Variants in CCSER1 observed in about 807,000 individuals in gnomAD.
CCSER1 encodes the protein coiled-coil serine rich protein 1, also known as serine-rich coiled-coil domain-containing protein 1.
A neutral mutation model predicts 82.0 loss-of-function variants in CCSER1; 41 were observed. The ratio of observed to expected loss-of-function variants is 0.50; its 90% CI spans 0.39 to 0.65. The LOEUF (loss-of-function observed/expected upper bound fraction) is 0.65. Ranked by LOEUF, CCSER1 falls within the 30% of genes least tolerant of loss-of-function variation. The pLI is 0.00. For synonymous variants in CCSER1, 414 were observed against 383.9 expected (o/e 1.08, Z -0.92); for missense variants, 1,119 against 1,064.2 (o/e 1.05, Z -0.72).
chr4:91,025,015 G>A (rs1450130914), intron 9 of CCSER1, among the ~76,000 whole-genome samples: 2 of 152,090 alleles, frequency 1.3e-5, no homozygotes, highest in Non-Finnish European at 2.9e-5. Flanking sequence ...TGTTTACAAA[G>A]GAGTCTGTCC....
intron 10 of CCSER1, among the ~76,000 whole-genome samples, chr4:91,312,081 G>A (rs1745521188): frequency 6.6e-6 from 1 of 151,714 alleles, no homozygotes; most frequent in Admixed American, 6.6e-5. Context: ...AAGGAGCTCT[G>A]GCTTTAAGTA....
At chr4:91,159,151 C>A (rs974792322) in intron 10 of CCSER1, among the ~76,000 whole-genome samples, 1 of 151,784 alleles carries the variant, frequency 6.6e-6, no homozygotes, top group Non-Finnish European at 1.5e-5. Context: ...TTAATTTTGT[C>A]TTTTTCCCCA....
intron 4 of CCSER1, among the ~76,000 whole-genome samples, chr4:90,420,554 A>G (rs1217877681): frequency 6.6e-6 from 1 of 151,098 alleles, no homozygotes; most frequent in Non-Finnish European, 1.5e-5. Context: ...TTCCTGATTT[A>G]AAAGTGCTTC....
At chr4:90,858,229 A>G (rs1254395674) in intron 8 of CCSER1, among the ~76,000 whole-genome samples, 1 of 152,052 alleles carries the variant, frequency 6.6e-6, no homozygotes, top group Non-Finnish European at 1.5e-5. Flanking sequence ...TTATTGCTTC[A>G]AATAGTAGTT....
chr4:91,043,346 A>G (rs1254521603), intron 9 of CCSER1, among the ~76,000 whole-genome samples: 1 of 152,104 alleles, frequency 6.6e-6, no homozygotes, highest in Non-Finnish European at 1.5e-5. Flanking sequence ...CCTAGAAAGA[A>G]CAAAAGAGAA....
chr4:90,916,289 C>A (rs568220500), intron 8 of CCSER1, among the ~76,000 whole-genome samples: 94 of 152,288 alleles, frequency 6.2e-4, no homozygotes, highest in Non-Finnish European at 1.5e-5. Flanking sequence ...GTAACCAAAG[C>A]AGCATGGTAC....
intron 10 of CCSER1, among the ~76,000 whole-genome samples, chr4:91,209,229 G>A (rs928086905): frequency 1.3e-5 from 2 of 151,818 alleles, no homozygotes; most frequent in Non-Finnish European, 2.9e-5. Context: ...GATTGCTCTG[G>A]CCAGGACTTC....
intron 9 of CCSER1, among the ~76,000 whole-genome samples, chr4:91,068,826 A>G (rs1365548254): frequency 6.6e-6 from 1 of 152,290 alleles, no homozygotes; most frequent in East Asian, 1.9e-4. Context: ...ATACTGATAC[A>G]CTTATTTAGT....
chr4:91,422,434 A>G (rs1433476993), intron 10 of CCSER1, among the ~76,000 whole-genome samples: 1 of 152,080 alleles, frequency 6.6e-6, no homozygotes, highest in Non-Finnish European at 1.5e-5. Context: ...CACTTACTGC[A>G]TTTTGTGTTG....
chr4:90,174,454 A>C (rs1390516526), intron 1 of CCSER1, among the ~76,000 whole-genome samples: 1 of 152,008 alleles, frequency 6.6e-6, no homozygotes, highest in Non-Finnish European at 1.5e-5. Flanking sequence ...TAAAAATTGG[A>C]GAATAAATGA....
chr4:90,350,077 C>G (rs1743152854), intron 3 of CCSER1, among the ~76,000 whole-genome samples: 1 of 152,052 alleles, frequency 6.6e-6, no homozygotes, highest in African/African-American at 2.4e-5. Context: ...GGGCCTGGCA[C>G]ATAATAGATG....
At chr4:90,774,326 T>A (rs1024276494) in intron 7 of CCSER1, among the ~76,000 whole-genome samples, 2 of 152,164 alleles carry the variant, frequency 1.3e-5, no homozygotes, top group African/African-American at 4.8e-5. Flanking sequence ...CTTAGGATTG[T>A]GACTTGATTT....
intron 1 of CCSER1, among the ~76,000 whole-genome samples, chr4:90,145,116 A>G (rs935236255): frequency 1.3e-5 from 2 of 152,136 alleles, no homozygotes; most frequent in East Asian, 1.9e-4. Flanking sequence ...TCTTTGCTTT[A>G]TAGATGACAT....
At chr4:91,325,264 G>A in intron 10 of CCSER1, 3 of 412,644 alleles carry the variant, frequency 7.3e-6, no homozygotes, top group Middle Eastern at 3.5e-4. Context: ...GTCCTAGGCA[G>A]GAAGAAGAAA....
Position 91,602,939 on chromosome 4 carries a change from G to A in CCSER1, c.*3882G>A, listed in dbSNP as rs1289161056. Reference sequence around the variant, plus strand: ...CAGATCCTGTTATGTATTTTCATATGCATATATATATTTTTGTATAAGAAG... The same window carrying A: ...CAGATCCTGTTATGTATTTTCATATACATATATATATTTTTGTATAAGAAG... On this transcript the variant is annotated 3_prime_UTR_variant, in exon 11 of 11. Coordinates refer to ENST00000509176, the MANE Select transcript of CCSER1 (RefSeq NM_001145065.2). 6.6e-6 allele frequency among the ~76,000 whole-genome samples: 1 copy of A among 151,912 alleles called. No homozygotes were observed.
intron 8 of CCSER1, among the ~76,000 whole-genome samples, chr4:90,850,443 G>A (rs1397767559): frequency 2.0e-5 from 3 of 152,214 alleles, no homozygotes; most frequent in Admixed American, 6.5e-5. Context: ...CCAGCTGGGA[G>A]CTGGCCTTTA....
intron 1 of CCSER1, among the ~76,000 whole-genome samples, chr4:90,263,807 G>A (rs550325992): frequency 1.3e-5 from 2 of 152,286 alleles, no homozygotes; most frequent in African/African-American, 4.8e-5. Flanking sequence ...AGTAGGGCCA[G>A]TGGAGGGGCA....
intron 9 of CCSER1, chr4:90,951,368 T>C (rs1313584466): frequency 2.0e-5 from 3 of 152,048 alleles, no homozygotes; most frequent in Middle Eastern, 3.2e-3. Context: ...ATCTTTGGGG[T>C]ATAAAAAGGA....
chr4:90,189,190 A>G (rs552105832), intron 1 of CCSER1, among the ~76,000 whole-genome samples: 2 of 152,068 alleles, frequency 1.3e-5, no homozygotes, highest in South Asian at 4.1e-4. Context: ...GGAAGGAAGT[A>G]TGTATTTAGA....
Sources: allele counts gnomAD v4.1 joint callset (sites outside exome capture counted in the v4.1 genomes callset), GRCh38; gene constraint gnomAD v4.1.1; transcripts MANE v1.5; gene names NCBI Gene and HGNC (gene_info 2026-07-23, HGNC 2026-07-21).